The following NR3C2 variants were observed in gnomAD, a reference collection of about 807,000 sequenced individuals.
NR3C2 encodes mineralocorticoid receptor.
Under a neutral mutation model 86.4 loss-of-function variants are expected in NR3C2, and 15 were observed. The ratio of observed to expected loss-of-function variants is 0.17; its 90% CI spans 0.12 to 0.27. NR3C2 has a LOEUF of 0.27. NR3C2 is among the 10% of genes least tolerant of loss of function. NR3C2 has a pLI of 1.00. For missense variants in NR3C2, 960 were observed against 1,195.6 expected (o/e 0.80, Z 2.91); for synonymous variants, 458 against 450.5 (o/e 1.02, Z -0.21).
intron 2 of NR3C2, among the ~76,000 whole-genome samples, chr4:148,269,063 T>C (rs1740537487): frequency 6.6e-6 from 1 of 152,182 alleles, no homozygotes; most frequent in African/African-American, 2.4e-5. Context: ...CATGTTCTGT[T>C]TGTGGAACAA....
intron 2 of NR3C2, among the ~76,000 whole-genome samples, chr4:148,413,616 C>A (rs1455480105): frequency 1.3e-5 from 2 of 151,974 alleles, no homozygotes; most frequent in Non-Finnish European, 2.9e-5. Flanking sequence ...CAGATTAATA[C>A]CTTTGACAAA....
chr4:148,372,472 G>C (rs1273823986), intron 2 of NR3C2, among the ~76,000 whole-genome samples: 1 of 151,782 alleles, frequency 6.6e-6, no homozygotes, highest in African/African-American at 2.4e-5. Flanking sequence ...AACAGATGAG[G>C]TCACAAACCA....
intron 2 of NR3C2, among the ~76,000 whole-genome samples, chr4:148,425,614 T>C (rs1207457454): frequency 3.3e-5 from 5 of 152,170 alleles, no homozygotes; most frequent in Non-Finnish European, 7.3e-5. Context: ...GAGGAACAGA[T>C]ACTAAATATA....
At chr4:148,354,898 C>G (rs1175264486) in intron 2 of NR3C2, among the ~76,000 whole-genome samples, 1 of 151,908 alleles carries the variant, frequency 6.6e-6, no homozygotes, top group Non-Finnish European at 1.5e-5. Context: ...GAAATTAGAA[C>G]AAAAACATTA....
intron 2 of NR3C2, among the ~76,000 whole-genome samples, chr4:148,279,321 G>A (rs1044620287): frequency 1.3e-5 from 2 of 152,206 alleles, no homozygotes; most frequent in Non-Finnish European, 2.9e-5. Context: ...GCTGTTATCT[G>A]AAGACAAAAT....
Position 148,435,386 on chromosome 4 carries a change from C to A in NR3C2, c.1475G>T (p.Gly492Val). The part of the protein sequence containing the change: ...GNCEGSGFPV[G>V]IKQEPDDGSY... Reference sequence around the variant, plus strand: ...CCCATCATCTGGTTCTTGTTTAATACCCACTGGGAATCCGCTGCCTTCACA... The same window carrying A: ...CCCATCATCTGGTTCTTGTTTAATAACCACTGGGAATCCGCTGCCTTCACA... Residue 492 changes from glycine (G) to valine (V), a missense_variant, in exon 2 of 9, where the codon GGT (glycine) becomes GTT (valine). Around this residue, in one of 4 missense-constraint regions of NR3C2, gnomAD observed 680 missense variants for 719.0 expected, o/e 0.95. Coordinates refer to ENST00000358102, the MANE Select transcript of NR3C2 (RefSeq NM_000901.5). 1 of 1,614,158 alleles carries A rather than the reference C, an allele frequency of 6.2e-7. No individual in the cohort carries two copies. The highest frequency in any genetic ancestry group is 1.6e-4 in the Middle Eastern group (1 of 6,062).
intron 6 of NR3C2, among the ~76,000 whole-genome samples, chr4:148,123,081 C>A (rs1313584656): frequency 6.6e-6 from 1 of 152,024 alleles, no homozygotes; most frequent in African/African-American, 2.4e-5. Flanking sequence ...AATATTAATA[C>A]CCTGGGGAAG....
At chr4:148,398,527 C>T (rs1401874958) in intron 2 of NR3C2, among the ~76,000 whole-genome samples, 1 of 152,194 alleles carries the variant, frequency 6.6e-6, no homozygotes, top group Non-Finnish European at 1.5e-5. Context: ...ACCACCTTAA[C>T]TCACATTTTA....
intron 2 of NR3C2, among the ~76,000 whole-genome samples, chr4:148,345,930 G>GGAT (rs767833071): frequency 6.6e-6 from 1 of 152,232 alleles, no homozygotes; most frequent in Middle Eastern, 3.4e-3. Flanking sequence ...GAGCTATGGA[G>GGAT]GATGTGAGGA....
At chr4:148,172,218 C>T (rs1735161478) in intron 4 of NR3C2, among the ~76,000 whole-genome samples, 1 of 152,080 alleles carries the variant, frequency 6.6e-6, no homozygotes, top group Non-Finnish European at 1.5e-5. Context: ...AAGTTCACTA[C>T]AAACCATCAA....
chr4:148,330,091 G>C (rs973300127), intron 2 of NR3C2, among the ~76,000 whole-genome samples: 2 of 152,096 alleles, frequency 1.3e-5, no homozygotes, highest in Non-Finnish European at 2.9e-5. Context: ...GGGTTTCTAA[G>C]GTTTAATCTC....
At chr4:148,199,489 T>C (rs1560973830) in intron 3 of NR3C2, among the ~76,000 whole-genome samples, 1 of 152,108 alleles carries the variant, frequency 6.6e-6, no homozygotes, top group Non-Finnish European at 1.5e-5. Flanking sequence ...TTACTTAGTA[T>C]CAAGATTCTT....
chr4:148,325,888 C>T (rs6828378), intron 2 of NR3C2, among the ~76,000 whole-genome samples: 5,235 of 152,174 alleles, frequency 0.034, 290 homozygotes, highest in African/African-American at 0.12. Context: ...TACACACAGA[C>T]GTGTGCTAGT....
intron 2 of NR3C2, among the ~76,000 whole-genome samples, chr4:148,372,111 T>C (rs1746451475): frequency 6.6e-6 from 1 of 152,194 alleles, no homozygotes; most frequent in Non-Finnish European, 1.5e-5. Context: ...CATGAAGTTT[T>C]AGCAAATAAA....
At chr4:148,403,814 T>G (rs1321562825) in intron 2 of NR3C2, among the ~76,000 whole-genome samples, 2 of 152,094 alleles carry the variant, frequency 1.3e-5, no homozygotes, top group Admixed American at 6.5e-5. Flanking sequence ...AATGAAGGTA[T>G]GTTTTTGGAA....
chr4:148,188,543 T>C (rs930405069), intron 4 of NR3C2, among the ~76,000 whole-genome samples: 1 of 152,172 alleles, frequency 6.6e-6, no homozygotes, highest in African/African-American at 2.4e-5. Flanking sequence ...TGGTTGCTGT[T>C]GGTGTATAGA....
intron 3 of NR3C2, among the ~76,000 whole-genome samples, chr4:148,259,122 G>A (rs899213790): frequency 1.3e-5 from 2 of 152,192 alleles, no homozygotes; most frequent in Non-Finnish European, 2.9e-5. Context: ...TTAAGCTTCT[G>A]AAGCACCAAG....
intron 2 of NR3C2, among the ~76,000 whole-genome samples, chr4:148,383,030 C>A (rs1747078841): frequency 6.6e-6 from 1 of 152,060 alleles, no homozygotes; most frequent in African/African-American, 2.4e-5. Context: ...TATAATTTAT[C>A]CTTAGTGTAA....
chr4:148,194,958 C>T, intron 3 of NR3C2, 96 bp from the exon 4 acceptor site: 2 of 902,020 alleles, frequency 2.2e-6, no homozygotes, highest in South Asian at 2.8e-5. Context: ...TCTTTCCTGC[C>T]TTGAAATCTC....
Sources: gnomAD v4.1 joint callset for allele counts (sites outside exome capture counted in the v4.1 genomes callset) on GRCh38, gnomAD v4.1.1 for gene constraint, gnomAD v4.1.1 regional missense constraint, MANE v1.5 for transcripts, NCBI Gene and HGNC (gene_info 2026-07-23, HGNC 2026-07-21) for gene names.